The following ITGA11 variants were observed in gnomAD, a reference collection of about 807,000 sequenced individuals.
ITGA11 encodes integrin alpha-11.
Under a neutral mutation model 141.9 loss-of-function variants are expected in ITGA11, and 97 were observed. The ratio of observed to expected loss-of-function variants is 0.68; its 90% confidence interval spans 0.58 to 0.81. The LOEUF (loss-of-function observed/expected upper bound fraction) is 0.81, where lower values mean the gene tolerates loss of function less well. Ranked by LOEUF, ITGA11 falls within the 30% of genes least tolerant of loss-of-function variation. The probability of loss-of-function intolerance (pLI) is 0.00; values close to 1 mark genes in which losing one functional copy is unlikely to be tolerated. For synonymous variants in ITGA11, 658 were observed against 624.6 expected (o/e 1.05, Z -0.80); for missense variants, 1,387 against 1,559.2 (o/e 0.89, Z 1.86).
At position 68,303,803 on chromosome 15, in the gene ITGA11, A is replaced by C; in HGVS notation, c.3464T>G (p.Leu1155Arg). ...CAGTGCCAGGACCAGCAGGGCCAGC[A>C]GTAGGAGGCCCCCCAGGGTGCTGCC... ...IVGSTLGGLL[L>R]LALLVLALWK... The change falls in exon 29 of 30, where the codon CTG (leucine) becomes CGG (arginine). Residue 1155 changes from leucine to arginine, a missense_variant. Leu to Arg is a moderately radical substitution (Grantham distance 102). Transcript: ENST00000315757. This position sits in a 1 kb window ranked among gnomAD's most constrained non-coding sequence, Gnocchi z 5.3. 6.2e-7 allele frequency: 1 copy of C among 1,612,562 alleles called. No individual in the cohort carries two copies. Among genetic ancestry groups the C allele is most frequent in the Non-Finnish European group, 8.5e-7 (1 of 1,178,940 alleles).
chr15:68,343,297 G>A (rs1894631980), intron 10 of ITGA11, among the ~76,000 whole-genome samples: 1 of 152,150 alleles, frequency 6.6e-6, no homozygotes, highest in South Asian at 2.1e-4. Flanking sequence ...AGGAGCAGGT[G>A]AACAACTGAG....
Position 68,312,839 on chromosome 15 carries a change from C to T in ITGA11, c.2907G>A (p.Glu969=), listed in dbSNP as rs1310580592. Residue 969 remains glutamate, a synonymous_variant, in exon 24 of 30, where the codon GAG becomes GAA. Coordinates refer to ENST00000315757, the MANE Select transcript of ITGA11 (RefSeq NM_001004439.2). ...FTRSSSLSHY[E]VKPNSSLERY... is the part of the protein sequence containing the mutation. ...TCTCCAGCGAGCTGTTGGGCTTGAC[C>T]TCGTAGTGGCTCAGGCTGCTGCTCC... 5 of 1,613,448 alleles carry T rather than the reference C, an allele frequency of 3.1e-6. No individual in the cohort carries two copies.
chr15:68,301,160 C>G lies in ITGA11; in HGVS notation c.*1899G>C, dbSNP rs1475111271. On this transcript the variant is annotated 3_prime_UTR_variant, in exon 30 of 30. Transcript: ENST00000315757. The surrounding 1 kb of genome is among the most constrained non-coding windows in gnomAD (Gnocchi z 4.4). ...TAAGGCTGGGCTCGAATAACAGAAT[C>G]TGGCTTGGGAAATAGCAGTCCTGGG... 6.6e-6 allele frequency: 1 copy of G among 152,248 alleles called. No individual in the cohort carries two copies. The highest frequency in any genetic ancestry group is 1.5e-5 in the Non-Finnish European group (1 of 68,058). The allele number at this position is 152,248 out of a possible 1,614,324, so 9.4% of individuals were successfully genotyped here. A position where few individuals can be genotyped will look rare whatever the true frequency, so the allele number is the denominator to read the frequency against.
chr15:68,358,539 G>A lies in ITGA11; in HGVS notation c.519C>T (p.Asn173=). 2 of 1,614,164 alleles carry A rather than the reference G, an allele frequency of 1.2e-6. No individual in the cohort carries two copies. The highest frequency in any genetic ancestry group is 1.7e-6 in the Non-Finnish European group (2 of 1,180,000). The change falls in exon 6 of 30, where the codon AAC becomes AAT. Residue 173 remains asparagine, a synonymous_variant. Transcript: ENST00000315757. Reference sequence around the variant, plus strand: ...GAACCTCCACCCAGGGGTAGATGCTGTTGGAGCCATCCAGGACAATGACGA... The same window carrying A: ...GAACCTCCACCCAGGGGTAGATGCTATTGGAGCCATCCAGGACAATGACGA... The part of the protein sequence containing the change: ...MDIVIVLDGS[N]SIYPWVEVQH...
chr15:68,339,348 G>C (rs1894482935), intron 11 of ITGA11, among the ~76,000 whole-genome samples, 152 bp downstream of exon 11: 1 of 152,178 alleles, frequency 6.6e-6, no homozygotes, highest in African/African-American at 2.4e-5. Context: ...GAGAGGAAAT[G>C]CCCCCGGGGA....
chr15:68,345,862 G>T (rs1269041116), intron 10 of ITGA11, among the ~76,000 whole-genome samples: 1 of 152,246 alleles, frequency 6.6e-6, no homozygotes, highest in Non-Finnish European at 1.5e-5. Context: ...GATGGCATCA[G>T]CGGCCTGGCA....
Position 68,357,264 on chromosome 15 carries a change from A to C in ITGA11, c.636T>G (p.His212Gln). ...GVVQYGEDVVHEFHLNDYRSV... is the reference protein window; with the variant it reads ...GVVQYGEDVVQEFHLNDYRSV... The stretch of plus-strand genomic sequence containing the variant: ...ACCTGTAGTCGTTGAGGTGAAACTC[A>C]TGCACCACATCTTCGCCATACTGCA... Residue 212 changes from histidine to glutamine, a missense_variant, in exon 7 of 30, where the codon CAT becomes CAG. By Grantham distance (24) the His-to-Gln change is conservative. Transcript: ENST00000315757. 1 of 1,613,826 alleles carries C rather than the reference A, an allele frequency of 6.2e-7. No individual in the cohort carries two copies. Among genetic ancestry groups the C allele is most frequent in the African/African-American group, 1.3e-5 (1 of 75,014 alleles).
intron 6 of ITGA11, 83 bp downstream of exon 6, chr15:68,358,375 G>C: frequency 7.0e-7 from 1 of 1,434,142 alleles, no homozygotes. Context: ...TGCATGCAAA[G>C]ATCTCTCTTA....
intron 2 of ITGA11, among the ~76,000 whole-genome samples, chr15:68,377,142 A>G (rs1447269617): frequency 1.3e-5 from 2 of 152,236 alleles, no homozygotes; most frequent in Non-Finnish European, 2.9e-5. Flanking sequence ...TCATAAGAAA[A>G]TATGTAATAA....
Position 68,339,553 on chromosome 15 carries a change from T to C in ITGA11, c.1223A>G (p.Glu408Gly). Residue 408 changes from glutamate (E) to glycine (G), a missense_variant, in exon 11 of 30, where the codon GAG (glutamate) becomes GGG (glycine). Coordinates refer to ENST00000315757, the MANE Select transcript of ITGA11 (RefSeq NM_001004439.2). ...CTCGGGGAACTCTTTCAGGTAGGAC[T>C]CGCGGAGAGGAATGACCTTCCCGGC... Reference protein sequence around the residue: ...TSAGKVIPLRESYLKEFPEEL... With the variant: ...TSAGKVIPLRGSYLKEFPEEL... The C allele has an allele frequency of 1.2e-6, 2 of 1,613,944 alleles. No individual in the cohort carries two copies. The highest frequency in any genetic ancestry group is 8.5e-7 in the Non-Finnish European group (1 of 1,179,862).
intron 2 of ITGA11, among the ~76,000 whole-genome samples, chr15:68,383,454 T>C (rs1281187895): frequency 6.6e-6 from 1 of 152,236 alleles, no homozygotes; most frequent in Non-Finnish European, 1.5e-5. Context: ...TTTTTCTAAT[T>C]GTATATAACC....
chr15:68,397,725 ATATTTAAAATATTATATTTAAAATATT>A (rs1896353161), intron 2 of ITGA11, among the ~76,000 whole-genome samples: 1 of 67,942 alleles, frequency 1.5e-5, no homozygotes, highest in East Asian at 4.3e-4. Flanking sequence ...TTAAAATATT[ATATTTAAAATATTATATTTAAAATATT>A]ATATTTAAAA....
chr15:68,428,077 T>G (rs779950048), intron 1 of ITGA11, among the ~76,000 whole-genome samples: 42 of 152,142 alleles, frequency 2.8e-4, no homozygotes, highest in Non-Finnish European at 2.9e-4. Flanking sequence ...TAGAACAATG[T>G]TCGACTTTGA....
intron 15 of ITGA11, among the ~76,000 whole-genome samples, chr15:68,329,984 T>C (rs1894102520): frequency 6.6e-6 from 1 of 152,196 alleles, no homozygotes; most frequent in Non-Finnish European, 1.5e-5. Context: ...CTTCTTCCCC[T>C]ACAATGGGCT....
At chr15:68,396,620 TA>T (rs1896248844) in intron 2 of ITGA11, among the ~76,000 whole-genome samples, 1 of 151,364 alleles carries the variant, frequency 6.6e-6, no homozygotes, top group Admixed American at 6.6e-5. Context: ...TGGAAAATAA[TA>T]AACAAAACTG....
Position 68,432,145 on chromosome 15 carries a change from G to C in ITGA11, c.-79C>G, listed in dbSNP as rs1027036075. ...GCCAGAGCGGCAGCCTCCTCGGCGC[G>C]GCGCCTGCAGCCTGCACTGCGCGGG... On this transcript the variant is annotated 5_prime_UTR_variant, in exon 1 of 30. Transcript: ENST00000315757. 1.1e-5 allele frequency: 12 copies of C among 1,115,016 alleles called. No homozygotes were observed. In the Admixed American group the frequency reaches 3.8e-4, roughly 36 times the overall value. 69.1% of individuals were successfully genotyped at this position (1,115,016 alleles called of 1,614,324 possible).
intron 2 of ITGA11, among the ~76,000 whole-genome samples, chr15:68,394,407 A>G (rs975337028): frequency 1.3e-5 from 2 of 152,164 alleles, no homozygotes; most frequent in African/African-American, 2.4e-5. Flanking sequence ...AAATTATTTT[A>G]ACCTGAATGA....
At chr15:68,371,342 C>T (rs1046440525) in intron 2 of ITGA11, among the ~76,000 whole-genome samples, 6 of 152,160 alleles carry the variant, frequency 3.9e-5, no homozygotes, top group Admixed American at 3.9e-4. Context: ...ACGTTCCTCC[C>T]GGGCACTGTT....
chr15:68,414,823 T>A (rs1364352660), intron 1 of ITGA11, among the ~76,000 whole-genome samples: 1 of 152,092 alleles, frequency 6.6e-6, no homozygotes, highest in Non-Finnish European at 1.5e-5. Flanking sequence ...AGCCCCCCCA[T>A]GAAAGTGAGC....
Sources: gnomAD v4.1 joint callset for allele counts (sites outside exome capture counted in the v4.1 genomes callset) on GRCh38, gnomAD v4.1.1 for gene constraint, Gnocchi (gnomAD v3.1) non-coding constraint, MANE v1.5 for transcripts, NCBI Gene and HGNC (gene_info 2026-07-23, HGNC 2026-07-21) for gene names.